Variants in CSMD2 observed in about 807,000 individuals in gnomAD.
CSMD2 encodes the protein CUB and sushi domain-containing protein 2.
CSMD2 carries 130 observed loss-of-function variants against 398.5 expected under a neutral mutation model. That is an observed-to-expected ratio of 0.33 (90% CI 0.28 to 0.38). The LOEUF is 0.38. Among genes scored for constraint, CSMD2 ranks in the 10% least tolerant of loss-of-function variants. The probability of loss-of-function intolerance (pLI) is 1.00; values close to 1 mark genes in which losing one functional copy is unlikely to be tolerated. For synonymous variants in CSMD2, 1,828 were observed against 1,908.5 expected (o/e 0.96, Z 1.10); for missense variants, 3,829 against 4,764.9 (o/e 0.80, Z 5.78).
intron 3 of CSMD2, among the ~76,000 whole-genome samples, chr1:33,967,229 A>T: frequency 6.9e-6 from 1 of 145,188 alleles, no homozygotes; most frequent in Non-Finnish European, 1.5e-5. Flanking sequence ...TCACCAAAAC[A>T]CTTTTTCTTA....
chr1:34,158,273 A>C (rs181131607), intron 1 of CSMD2, among the ~76,000 whole-genome samples: 8 of 152,332 alleles, frequency 5.3e-5, no homozygotes, highest in African/African-American at 1.9e-4. Flanking sequence ...ACCCTGAGAC[A>C]GAGTCTTTGT....
At chr1:33,738,631 C>T (rs571489477) in intron 15 of CSMD2, among the ~76,000 whole-genome samples, 47 of 152,238 alleles carry the variant, frequency 3.1e-4, no homozygotes, top group Admixed American at 2.7e-3. Flanking sequence ...GGCTGGTTGG[C>T]CCTGAGTCTC....
chr1:33,616,939 G>A lies in CSMD2; in HGVS notation c.5983C>T (p.Arg1995Trp). The A allele has an allele frequency of 6.2e-7, 1 of 1,614,118 alleles. No homozygotes were observed. Residue 1995 changes from arginine (R) to tryptophan (W), a missense_variant, in exon 39 of 71, where the codon CGG becomes TGG. Coordinates refer to ENST00000373381, the MANE Select transcript of CSMD2 (RefSeq NM_001281956.2). The part of the protein sequence containing the change: ...AHISCMPGTV[R>W]RWNYPPPLCI... The stretch of plus-strand genomic sequence containing the variant: ...AGTGGAGGAGGGTAGTTCCATCGCC[G>A]CACTGTTCCGGGCATGCAGGAGATG...
intron 1 of CSMD2, among the ~76,000 whole-genome samples, chr1:34,103,034 T>C (rs1206178269): frequency 4.6e-5 from 7 of 152,052 alleles, no homozygotes; most frequent in Non-Finnish European, 1.0e-4. Context: ...CACAGAATAG[T>C]TGTTGGTTGA....
intron 41 of CSMD2, chr1:33,605,825 C>G (rs769081295): frequency 6.4e-7 from 1 of 1,551,492 alleles, no homozygotes; most frequent in Non-Finnish European, 8.8e-7. Context: ...GGGCCAGGCA[C>G]CAGCCTAACT....
intron 2 of CSMD2, among the ~76,000 whole-genome samples, chr1:34,088,337 G>T (rs1353718535): frequency 6.6e-6 from 1 of 152,194 alleles, no homozygotes; most frequent in Non-Finnish European, 1.5e-5. Context: ...TGACCCTGGG[G>T]TCTTCACCTT....
rs746725403 is a variant in CSMD2 at position 33,527,214 on chromosome 1, G to A, written c.10216C>T (p.Pro3406Ser). Residue 3406 changes from proline to serine, a missense_variant, in exon 65 of 71, where the codon CCG becomes TCG. Physicochemically the swap from Pro to Ser is moderately conservative, Grantham distance 74. Around this residue, in one of 5 missense-constraint regions of CSMD2, gnomAD observed 917 missense variants for 1,199.5 expected, o/e 0.76. Coordinates refer to ENST00000373381, the MANE Select transcript of CSMD2 (RefSeq NM_001281956.2). ...TACGTACTCAAGGCTTGGGTGAGCGGTGGCTCCCGGGCAGTGTTGATGGGT... is the reference window on the plus strand; with the variant it reads ...TACGTACTCAAGGCTTGGGTGAGCGATGGCTCCCGGGCAGTGTTGATGGGT... Reference protein sequence around the residue: ...GRPINTAREPPLTQALIPGDV... With the variant: ...GRPINTAREPSLTQALIPGDV... 10 of 1,614,120 alleles carry A rather than the reference G, an allele frequency of 6.2e-6. No homozygotes were observed. Among genetic ancestry groups the A allele is most frequent in the Admixed American group, 3.3e-5 (2 of 60,032 alleles).
chr1:34,035,417 G>T (rs573574840), intron 2 of CSMD2, among the ~76,000 whole-genome samples: 1 of 151,984 alleles, frequency 6.6e-6, no homozygotes, highest in Admixed American at 6.6e-5. Context: ...GAAAAATGAA[G>T]ATCAATATTT....
intron 41 of CSMD2, among the ~76,000 whole-genome samples, chr1:33,610,824 GCCTGCCACT>G (rs1640947088): frequency 6.6e-6 from 1 of 152,248 alleles, no homozygotes; most frequent in East Asian, 1.9e-4. Context: ...GTGCTGTTGG[GCCTGCCACT>G]CTTGAAAAGG....
intron 1 of CSMD2, among the ~76,000 whole-genome samples, chr1:34,162,774 G>A (rs1291384210): frequency 6.6e-6 from 1 of 151,990 alleles, no homozygotes; most frequent in Admixed American, 6.6e-5. Context: ...CAGGAGAATC[G>A]CTTGAACCCA....
At chr1:34,040,218 T>A (rs919502528) in intron 2 of CSMD2, among the ~76,000 whole-genome samples, 2 of 139,150 alleles carry the variant, frequency 1.4e-5, no homozygotes, top group East Asian at 2.1e-4. Flanking sequence ...AAAAAAAAAA[T>A]AATAAAAGAC....
At chr1:33,869,807 T>A (rs1640323985) in intron 5 of CSMD2, among the ~76,000 whole-genome samples, 1 of 152,142 alleles carries the variant, frequency 6.6e-6, no homozygotes, top group African/African-American at 2.4e-5. Flanking sequence ...TCTCTCCCCA[T>A]CGCCCTAGCT....
chr1:33,668,279 T>C lies in CSMD2; in HGVS notation c.4053-5187A>G, dbSNP rs918417152. 4.7e-4 allele frequency among the ~76,000 whole-genome samples: 72 copies of C among 152,016 alleles called. 1 individual carries two copies. Among genetic ancestry groups the C allele is most frequent in the East Asian group, 1.9e-4 (1 of 5,178 alleles). ...GTACTATAGGAGCTGAGGGAAGTCA[T>C]TGGTATATTTTAAGCTGAGCTCTGA... is the stretch of plus-strand genomic sequence containing the variant. On this transcript the variant is annotated intron_variant, in intron 25 of 70. Transcript: ENST00000373381.
At chr1:33,966,138 G>A (rs551348479) in intron 3 of CSMD2, among the ~76,000 whole-genome samples, 13 of 152,256 alleles carry the variant, frequency 8.5e-5, no homozygotes, top group South Asian at 2.1e-4. Flanking sequence ...AACCTACATG[G>A]CTCCCTGAAC....
At chr1:33,813,091 GA>G (rs529529208) in intron 9 of CSMD2, 24 of 152,296 alleles carry the variant, frequency 1.6e-4, no homozygotes, top group African/African-American at 5.5e-4. Flanking sequence ...CGGAAAGTCA[GA>G]TTTTGCTGCC....
rs191781848 is a variant in CSMD2 at position 33,984,287 on chromosome 1, G to A, written c.517+48307C>T. Among the ~76,000 whole-genome samples, 66 of 152,286 alleles carry A rather than the reference G, an allele frequency of 4.3e-4. 3 individuals are homozygous for A. Among genetic ancestry groups the A allele is most frequent in the Non-Finnish European group, 5.9e-5 (4 of 68,022 alleles). On this transcript the variant is annotated intron_variant, in intron 3 of 70. Coordinates refer to ENST00000373381, the MANE Select transcript of CSMD2 (RefSeq NM_001281956.2). ...CTCAGTGATCCTGATTTAGACTAAG[G>A]CAGTGCTTCTTCAACAGTGTAGAGA...
At chr1:33,859,164 A>C (rs2125108219) in intron 5 of CSMD2, among the ~76,000 whole-genome samples, 1 of 152,362 alleles carries the variant, frequency 6.6e-6, no homozygotes, top group Non-Finnish European at 1.5e-5. Context: ...CTTAAAGAAC[A>C]CAAATTTATT....
intron 53 of CSMD2, among the ~76,000 whole-genome samples, chr1:33,563,979 C>T (rs1658817902): frequency 6.6e-6 from 1 of 151,972 alleles, no homozygotes; most frequent in Non-Finnish European, 1.5e-5. Flanking sequence ...CAGATAATTC[C>T]CAAACCTCTG....
chr1:34,071,734 C>G (rs191166385), intron 2 of CSMD2, among the ~76,000 whole-genome samples: 29 of 152,352 alleles, frequency 1.9e-4, no homozygotes, highest in South Asian at 6.2e-4. Flanking sequence ...GGGCAATTAG[C>G]CTTCTCTGCC....
Sources: gnomAD v4.1 joint callset for allele counts (sites outside exome capture counted in the v4.1 genomes callset) on GRCh38, gnomAD v4.1.1 for gene constraint, gnomAD v4.1.1 regional missense constraint, MANE v1.5 for transcripts, NCBI Gene and HGNC (gene_info 2026-07-23, HGNC 2026-07-21) for gene names.